Variants in RALGAPA2 observed in about 807,000 individuals in gnomAD.
RALGAPA2 encodes Ral GTPase activating protein catalytic subunit alpha 2.
RALGAPA2 carries 139 observed loss-of-function variants against 230.4 expected under a neutral mutation model. The ratio of observed to expected loss-of-function variants is 0.60; its 90% confidence interval spans 0.53 to 0.69. The LOEUF is 0.69. Among genes scored for constraint, RALGAPA2 ranks in the 30% least tolerant of loss-of-function variants. The probability of loss-of-function intolerance (pLI) is 0.00; values close to 1 mark genes in which losing one functional copy is unlikely to be tolerated. For synonymous variants in RALGAPA2, 847 were observed against 837.8 expected (o/e 1.01, Z -0.19); for missense variants, 2,163 against 2,276.0 (o/e 0.95, Z 1.01).
chr20:20,712,549 G>A lies in RALGAPA2; in HGVS notation c.-69C>T. The A allele has an allele frequency of 7.0e-7, 1 of 1,436,146 alleles. No individual in the cohort carries two copies. The highest frequency in any genetic ancestry group is 3.2e-5 in the Admixed American group (1 of 31,744). The allele number at this position is 1,436,146 out of a possible 1,614,324, so 89.0% of individuals were successfully genotyped here. On this transcript the variant is annotated 5_prime_UTR_variant, in exon 1 of 40. Transcript: ENST00000202677. This position sits in a 1 kb window ranked among gnomAD's most constrained non-coding sequence, Gnocchi z 5.5. ...CCTGCGCCACGCGAATCAAAGCATA[G>A]GGTCGAGGCCGGCGCGTGTCGCGCG...
chr20:20,658,087 A>G lies in RALGAPA2; in HGVS notation c.271-4500T>C, dbSNP rs555684083. 2.2e-4 allele frequency among the ~76,000 whole-genome samples: 33 copies of G among 152,308 alleles called. 1 individual carries two copies. In the East Asian group the frequency reaches 5.6e-3, roughly 26 times the overall value. ...TCCAGCTTATTCTGAGGTCAAGCCT[A>G]TCATTATCACCACTTCTGGGTAAGT... On this transcript the variant is annotated intron_variant, in intron 3 of 39. Transcript: ENST00000202677.
chr20:20,585,079 G>T, intron 18 of RALGAPA2, 124 bp from the exon 19 acceptor site: 1 of 536,182 alleles, frequency 1.9e-6, no homozygotes, highest in Non-Finnish European at 3.2e-6. Context: ...ATAAATTGAT[G>T]TTTTCCATTT....
chr20:20,670,513 G>A (rs117452346), intron 3 of RALGAPA2, among the ~76,000 whole-genome samples: 3,233 of 152,218 alleles, frequency 0.021, 59 homozygotes, highest in South Asian at 0.05. Flanking sequence ...TGTAGATTCC[G>A]GTTAAGATGG....
chr20:20,432,471 T>C (rs1334676313), intron 37 of RALGAPA2, among the ~76,000 whole-genome samples: 3 of 152,238 alleles, frequency 2.0e-5, no homozygotes, highest in Non-Finnish European at 1.5e-5. Context: ...AATGAGCTTT[T>C]GGATTTTTTC....
At chr20:20,585,979 T>C (rs2065122459) in intron 18 of RALGAPA2, among the ~76,000 whole-genome samples, 1 of 152,166 alleles carries the variant, frequency 6.6e-6, no homozygotes, top group Non-Finnish European at 1.5e-5. Context: ...ATAAAATATT[T>C]AGAAGATTTA....
At chr20:20,472,238 T>C (rs2061556075) in intron 37 of RALGAPA2, 1 of 152,206 alleles carries the variant, frequency 6.6e-6, no homozygotes, top group Non-Finnish European at 1.5e-5. Context: ...TATCAATGAT[T>C]TGGGAAAATT....
At chr20:20,594,066 C>T (rs1050811285) in intron 16 of RALGAPA2, among the ~76,000 whole-genome samples, 6 of 152,142 alleles carry the variant, frequency 3.9e-5, no homozygotes, top group Admixed American at 6.5e-5. Context: ...GGGAGAGCCA[C>T]GATGCTTAAG....
chr20:20,595,579 C>A (rs1207487111), intron 16 of RALGAPA2, among the ~76,000 whole-genome samples: 1 of 152,124 alleles, frequency 6.6e-6, no homozygotes, highest in Middle Eastern at 3.2e-3. Context: ...ACTACTATTA[C>A]AATATTCCTA....
chr20:20,577,443 C>G (rs6075676), intron 20 of RALGAPA2, among the ~76,000 whole-genome samples: 11,268 of 152,214 alleles, frequency 0.074, 579 homozygotes, highest in East Asian at 0.16. Flanking sequence ...GAGGAAAACA[C>G]ACCTGTAGTT....
intron 36 of RALGAPA2, among the ~76,000 whole-genome samples, chr20:20,477,717 C>G (rs1027914691): frequency 4.6e-5 from 7 of 152,154 alleles, no homozygotes; most frequent in African/African-American, 1.4e-4. Context: ...TCCCAAGTAG[C>G]TCAGACTATA....
At chr20:20,634,613 A>G (rs1392506363) in intron 9 of RALGAPA2, among the ~76,000 whole-genome samples, 1 of 152,172 alleles carries the variant, frequency 6.6e-6, no homozygotes, top group Non-Finnish European at 1.5e-5. Flanking sequence ...GCATTCTTTC[A>G]GCTCAGGCCT....
chr20:20,533,638 T>A (rs1167855135), intron 26 of RALGAPA2, among the ~76,000 whole-genome samples: 9 of 152,066 alleles, frequency 5.9e-5, no homozygotes, highest in Non-Finnish European at 1.5e-5. Context: ...AGTAAAAAAA[T>A]TTAATAAACA....
At position 20,619,332 on chromosome 20, in the gene RALGAPA2, C is replaced by A; in HGVS notation, c.1484G>T (p.Cys495Phe). The A allele has an allele frequency of 6.2e-7, 1 of 1,612,270 alleles. No homozygotes were observed. The highest frequency in any genetic ancestry group is 8.5e-7 in the Non-Finnish European group (1 of 1,178,852). ...YSFTSAMSRG[C>F]VTEEENTNVK... ...ATTTGTATTTTCCTCCTCTGTCACA[C>A]ACCCTCTGCTCATTGCACTTGTGAA... The change falls in exon 12 of 40, where the codon TGT becomes TTT. Residue 495 changes from cysteine to phenylalanine, a missense_variant. Physicochemically the swap from Cys to Phe is radical, Grantham distance 205. Coordinates refer to ENST00000202677, the MANE Select transcript of RALGAPA2 (RefSeq NM_020343.4).
Position 20,619,398 on chromosome 20 carries a change from G to C in RALGAPA2, c.1418C>G (p.Ser473Cys). 3 of 1,601,596 alleles carry C rather than the reference G, an allele frequency of 1.9e-6. No homozygotes were observed. Among genetic ancestry groups the C allele is most frequent in the African/African-American group, 1.3e-5 (1 of 74,910 alleles). ...TDSKEASSES[S>C]GHKRSSSWGR... ...CCAACTGGAAGATCGTTTATGACCA[G>C]AACTTTCAGATGAGGCCTTCAGAAG... is the stretch of plus-strand genomic sequence containing the variant. The change falls in exon 12 of 40, where the codon TCT becomes TGT. Residue 473 changes from serine to cysteine, a missense_variant. Physicochemically the swap from Ser to Cys is moderately radical, Grantham distance 112. Transcript: ENST00000202677.
chr20:20,599,149 C>T (rs2065555595), intron 16 of RALGAPA2, among the ~76,000 whole-genome samples: 1 of 152,152 alleles, frequency 6.6e-6, no homozygotes, highest in South Asian at 2.1e-4. Context: ...AATCAGTTTT[C>T]CTTTCCTAAA....
chr20:20,504,880 G>T, intron 34 of RALGAPA2: 1 of 559,742 alleles, frequency 1.8e-6, no homozygotes, highest in Non-Finnish European at 2.3e-6. Context: ...ATGTATATAT[G>T]TCTGTATGTC....
intron 37 of RALGAPA2, among the ~76,000 whole-genome samples, chr20:20,421,782 C>CTG (rs2060280375): frequency 6.6e-6 from 1 of 152,154 alleles, no homozygotes; most frequent in Non-Finnish European, 1.5e-5. Context: ...CCTAGAAGTT[C>CTG]AATACCCAAG....
chr20:20,549,915 CTCATGCCTTTTGCCATCTCCCTG>C (rs2063876863), intron 23 of RALGAPA2, among the ~76,000 whole-genome samples: 1 of 152,178 alleles, frequency 6.6e-6, no homozygotes, highest in Non-Finnish European at 1.5e-5. Context: ...ATGTGCAATC[CTCATGCCTTTTGCCATCTCCCTG>C]TCCAAAGTGA....
intron 34 of RALGAPA2, chr20:20,504,971 G>T: frequency 1.0e-6 from 1 of 981,060 alleles, no homozygotes; most frequent in South Asian, 4.7e-5. Context: ...TAGGTTGATA[G>T]CTAAACCATC....
Sources: gnomAD v4.1 joint callset for allele counts (sites outside exome capture counted in the v4.1 genomes callset) on GRCh38, gnomAD v4.1.1 for gene constraint, Gnocchi (gnomAD v3.1) non-coding constraint, MANE v1.5 for transcripts, NCBI Gene and HGNC (gene_info 2026-07-23, HGNC 2026-07-21) for gene names.